TMEM232: variants seen among roughly 807,000 people sequenced by gnomAD.
TMEM232 encodes the protein transmembrane protein 232.
A neutral mutation model predicts 78.8 loss-of-function variants in TMEM232; 80 were observed. That is an observed-to-expected ratio of 1.01 (90% confidence interval 0.85 to 1.22). The LOEUF (loss-of-function observed/expected upper bound fraction) is 1.22. Ranked by LOEUF, TMEM232 falls within the 50% of genes most tolerant of loss-of-function variation. The pLI is 0.00. For synonymous variants in TMEM232, 297 were observed against 254.3 expected, an observed-to-expected ratio of 1.17 and a Z score of -1.60; for missense variants, 881 against 742.2, an observed-to-expected ratio of 1.19 and a Z score of -2.17.
intron 2 of TMEM232, among the ~76,000 whole-genome samples, chr5:110,399,391 A>G (rs1755508780): frequency 6.6e-6 from 1 of 152,142 alleles, no homozygotes; most frequent in Non-Finnish European, 1.5e-5. Context: ...ATCTGTGGTG[A>G]AATAGCTCTT....
intron 12 of TMEM232, among the ~76,000 whole-genome samples, chr5:110,517,259 G>A (rs1163552748): frequency 1.3e-5 from 2 of 152,186 alleles, no homozygotes; most frequent in African/African-American, 4.8e-5. Context: ...TTCGATTTGG[G>A]AGCCTAGAAG....
chr5:110,488,656 A>G (rs1764715021), intron 12 of TMEM232, among the ~76,000 whole-genome samples: 1 of 152,034 alleles, frequency 6.6e-6, no homozygotes, highest in South Asian at 2.1e-4. Flanking sequence ...CATTTATGAA[A>G]CTAAGAAAAG....
intron 2 of TMEM232, among the ~76,000 whole-genome samples, chr5:110,663,837 A>G (rs1362407414): frequency 6.6e-6 from 1 of 151,992 alleles, no homozygotes; most frequent in Non-Finnish European, 1.5e-5. Flanking sequence ...TTTAAAAATA[A>G]TAAATCATAA....
At chr5:110,636,360 A>T (rs1213104689) in intron 5 of TMEM232, among the ~76,000 whole-genome samples, 1 of 151,976 alleles carries the variant, frequency 6.6e-6, no homozygotes, top group Non-Finnish European at 1.5e-5. Flanking sequence ...GGGTGACTAT[A>T]CTTACCAACA....
chr5:110,410,069 A>G (rs547508671), intron 2 of TMEM232, among the ~76,000 whole-genome samples: 21 of 152,258 alleles, frequency 1.4e-4, no homozygotes, highest in African/African-American at 5.1e-4. Context: ...TATGTTGACA[A>G]AATGCTTGCG....
chr5:110,402,486 GT>G (rs777767518), intron 2 of TMEM232, among the ~76,000 whole-genome samples: 3 of 152,050 alleles, frequency 2.0e-5, no homozygotes, highest in Non-Finnish European at 4.4e-5. Context: ...ATTTCTATTA[GT>G]TGAATTTCTT....
intron 11 of TMEM232, among the ~76,000 whole-genome samples, chr5:110,553,512 T>C (rs1361480957): frequency 6.6e-6 from 1 of 152,182 alleles, no homozygotes; most frequent in Non-Finnish European, 1.5e-5. Context: ...GCATCCTCAT[T>C]TGTCTTTTAG....
At chr5:110,429,698 TTAACAATTGAA>T (rs1341481106) in intron 12 of TMEM232, among the ~76,000 whole-genome samples, 1 of 151,846 alleles carries the variant, frequency 6.6e-6, no homozygotes, top group Non-Finnish European at 1.5e-5. Context: ...AACTCCATTC[TTAACAATTGAA>T]TGTCTTCCCC....
intron 2 of TMEM232, among the ~76,000 whole-genome samples, chr5:110,643,889 A>G (rs1309137717): frequency 6.6e-6 from 1 of 152,016 alleles, no homozygotes; most frequent in African/African-American, 2.4e-5. Context: ...GAACAGAGCA[A>G]TTAATGAAAT....
intron 1 of TMEM232, 126 bp from the exon 2 acceptor site, chr5:110,667,490 A>G: frequency 3.0e-6 from 2 of 662,882 alleles, no homozygotes; most frequent in Non-Finnish European, 4.6e-6. Context: ...GAATAATTCT[A>G]TATTAAGGAA....
At chr5:110,439,714 C>G (rs567230361) in intron 12 of TMEM232, among the ~76,000 whole-genome samples, 60 of 152,112 alleles carry the variant, frequency 3.9e-4, no homozygotes, top group African/African-American at 1.3e-3. Flanking sequence ...CTCAAAAAGT[C>G]AAGACTTTTT....
At chr5:110,561,696 G>A (rs1473930322) in intron 11 of TMEM232, among the ~76,000 whole-genome samples, 1 of 152,038 alleles carries the variant, frequency 6.6e-6, no homozygotes, top group Non-Finnish European at 1.5e-5. Flanking sequence ...AGCAATTTGA[G>A]CTGGGAACAG....
chr5:110,705,503 C>G (rs1384343569), intron 1 of TMEM232, among the ~76,000 whole-genome samples: 1 of 151,910 alleles, frequency 6.6e-6, no homozygotes, highest in Non-Finnish European at 1.5e-5. Flanking sequence ...TGCCAAAACT[C>G]AGCAATGGGA....
intron 12 of TMEM232, among the ~76,000 whole-genome samples, chr5:110,508,915 T>C (rs1271010185): frequency 7.0e-6 from 1 of 142,042 alleles, no homozygotes; most frequent in African/African-American, 2.6e-5. Context: ...AAATTATATA[T>C]ATGTATATAT....
At chr5:110,619,682 A>C (rs2149898303) in intron 7 of TMEM232, among the ~76,000 whole-genome samples, 1 of 152,324 alleles carries the variant, frequency 6.6e-6, no homozygotes, top group South Asian at 2.1e-4. Context: ...TTTCTGCTTT[A>C]TGGTAGGGTC....
chr5:110,668,219 G>A (rs554531242), intron 1 of TMEM232, among the ~76,000 whole-genome samples: 1 of 152,074 alleles, frequency 6.6e-6, no homozygotes, highest in African/African-American at 2.4e-5. Flanking sequence ...TATTCTCAGA[G>A]ACTAGAAAGA....
At chr5:110,606,415 C>A in intron 8 of TMEM232, 128 bp from the exon 9 acceptor site, 1 of 1,000,678 alleles carries the variant, frequency 1.0e-6, no homozygotes, top group Non-Finnish European at 1.4e-6. Context: ...CATTTATTTT[C>A]AATAAAGATT....
chr5:110,475,382 A>G (rs554119883), intron 12 of TMEM232, among the ~76,000 whole-genome samples: 1 of 150,496 alleles, frequency 6.6e-6, no homozygotes, highest in East Asian at 2.0e-4. Flanking sequence ...GACAGATTGT[A>G]CTTTTAAATA....
intron 10 of TMEM232, among the ~76,000 whole-genome samples, chr5:110,583,966 C>CAAAAA (rs60079206): frequency 2.0e-5 from 2 of 99,020 alleles, no homozygotes; most frequent in East Asian, 2.6e-4. Flanking sequence ...TATCTATTAT[C>CAAAAA]AAAAAAAAAA....
Sources: allele counts gnomAD v4.1 joint callset (sites outside exome capture counted in the v4.1 genomes callset), GRCh38; gene constraint gnomAD v4.1.1; transcripts MANE v1.5; gene names NCBI Gene and HGNC (gene_info 2026-07-23, HGNC 2026-07-21).